Variants in SLC26A7 observed in about 807,000 individuals in gnomAD.
The protein encoded by SLC26A7 is solute carrier family 26 member 7, also known as anion exchange transporter.
In SLC26A7, 59 loss-of-function variants were observed where a neutral mutation model predicts 82.5. The observed-to-expected ratio is 0.72, with a 90% confidence interval of 0.58 to 0.89. SLC26A7 has a LOEUF of 0.89. Ranked by LOEUF, SLC26A7 falls within the 40% of genes least tolerant of loss-of-function variation. The probability of loss-of-function intolerance (pLI) is 0.00; values close to 1 mark genes in which losing one functional copy is unlikely to be tolerated. For synonymous variants in SLC26A7, 271 were observed against 274.3 expected (o/e 0.99, Z 0.12); for missense variants, 820 against 793.0 (o/e 1.03, Z -0.41).
chr8:91,225,032 C>A (rs1054000055), intron 2 of SLC26A7, among the ~76,000 whole-genome samples: 30 of 152,172 alleles, frequency 2.0e-4, no homozygotes, highest in Admixed American at 5.2e-4. Context: ...GCCTCCCTGG[C>A]CCCAGCAGGG....
At chr8:91,365,291 C>T (rs1180993022) in intron 13 of SLC26A7, among the ~76,000 whole-genome samples, 1 of 152,186 alleles carries the variant, frequency 6.6e-6, no homozygotes, top group Non-Finnish European at 1.5e-5. Context: ...AATACACTAA[C>T]ACTAATGATA....
chr8:91,375,653 T>G (rs1814490782), intron 15 of SLC26A7, among the ~76,000 whole-genome samples: 1 of 148,716 alleles, frequency 6.7e-6, no homozygotes, highest in Non-Finnish European at 1.5e-5. Context: ...CTAGCTGCCT[T>G]TAAGTTGTTT....
chr8:91,354,616 G>T (rs923668293), intron 11 of SLC26A7, among the ~76,000 whole-genome samples: 3 of 152,084 alleles, frequency 2.0e-5, no homozygotes, highest in Non-Finnish European at 4.4e-5. Flanking sequence ...GGATCAAACT[G>T]GTGAAGTATA....
At chr8:91,347,543 T>C (rs1489131724) in intron 9 of SLC26A7, among the ~76,000 whole-genome samples, 3 of 152,240 alleles carry the variant, frequency 2.0e-5, no homozygotes, top group Non-Finnish European at 4.4e-5. Flanking sequence ...GTATTTTAGA[T>C]TTCAGCATAC....
intron 15 of SLC26A7, among the ~76,000 whole-genome samples, chr8:91,374,109 T>C (rs1814441043): frequency 6.6e-6 from 1 of 151,960 alleles, no homozygotes; most frequent in East Asian, 1.9e-4. Context: ...ATTTGAATCT[T>C]CTCTCTTTTT....
chr8:91,390,241 C>A (rs955606395), intron 16 of SLC26A7, among the ~76,000 whole-genome samples: 4 of 151,840 alleles, frequency 2.6e-5, no homozygotes, highest in African/African-American at 9.7e-5. Flanking sequence ...CTCAGCCTCC[C>A]GAGTAGCTGG....
At chr8:91,281,977 C>T (rs879386948) in intron 2 of SLC26A7, among the ~76,000 whole-genome samples, 8 of 152,148 alleles carry the variant, frequency 5.3e-5, no homozygotes, top group African/African-American at 1.2e-4. Flanking sequence ...TTTAGTCACA[C>T]TTATTGAGGT....
At chr8:91,390,605 C>A (rs1374133933) in intron 16 of SLC26A7, among the ~76,000 whole-genome samples, 1 of 152,032 alleles carries the variant, frequency 6.6e-6, no homozygotes, top group Non-Finnish European at 1.5e-5. Context: ...GTTTACTTCC[C>A]AGAGGTTTTC....
intron 18 of SLC26A7, chr8:91,394,449 T>C (rs1266904362): frequency 1.4e-6 from 2 of 1,398,674 alleles, no homozygotes; most frequent in African/African-American, 2.9e-5. Flanking sequence ...ATTGCCATCT[T>C]TGGAAATACT....
chr8:91,214,232 G>T (rs1193125252), intron 1 of SLC26A7, among the ~76,000 whole-genome samples: 1 of 152,074 alleles, frequency 6.6e-6, no homozygotes, highest in Admixed American at 6.6e-5. Flanking sequence ...ACCTCTGAGG[G>T]GTGTGAAGGA....
At chr8:91,374,037 A>G (rs1213828906) in intron 15 of SLC26A7, among the ~76,000 whole-genome samples, 1 of 151,742 alleles carries the variant, frequency 6.6e-6, no homozygotes, top group African/African-American at 2.4e-5. Context: ...TAGTCTCTGA[A>G]GATCTCCTGG....
At chr8:91,372,572 TC>T (rs1814395003) in intron 15 of SLC26A7, among the ~76,000 whole-genome samples, 1 of 152,044 alleles carries the variant, frequency 6.6e-6, no homozygotes, top group Admixed American at 6.6e-5. Flanking sequence ...GATTCTCTAT[TC>T]TGTTCCATTG....
chr8:91,331,309 T>C (rs1813074101), intron 5 of SLC26A7, among the ~76,000 whole-genome samples: 1 of 152,156 alleles, frequency 6.6e-6, no homozygotes, highest in Admixed American at 6.6e-5. Flanking sequence ...AGGAAGGTCT[T>C]TCCATGTCAA....
At chr8:91,324,129 T>C (rs1236867023) in intron 5 of SLC26A7, among the ~76,000 whole-genome samples, 1 of 152,166 alleles carries the variant, frequency 6.6e-6, no homozygotes, top group Non-Finnish European at 1.5e-5. Context: ...ACTCAGCTTA[T>C]ATTTTTCTTG....
At chr8:91,289,888 G>A (rs2130767160) in intron 3 of SLC26A7, among the ~76,000 whole-genome samples, 1 of 152,164 alleles carries the variant, frequency 6.6e-6, no homozygotes, top group South Asian at 2.1e-4. Flanking sequence ...AAAATATGAG[G>A]GGTGATTTGG....
intron 4 of SLC26A7, among the ~76,000 whole-genome samples, chr8:91,310,737 T>C (rs1812458294): frequency 6.6e-6 from 1 of 151,660 alleles, no homozygotes; most frequent in African/African-American, 2.4e-5. Context: ...CCGCACATGC[T>C]CCCCTCCCAA....
chr8:91,361,480 C>T lies in SLC26A7; in HGVS notation c.1315-873C>T, dbSNP rs1023300360. Among the ~76,000 whole-genome samples the T allele has an allele frequency of 9.9e-5, 15 of 152,196 alleles. No homozygotes were observed. The East Asian group carries it at 2.7e-3, about 27-fold the overall frequency. On this transcript the variant is annotated intron_variant, in intron 11 of 18. Coordinates refer to ENST00000276609, the MANE Select transcript of SLC26A7 (RefSeq NM_052832.4). ...ATAAATGTAGAATTGCAGTCAGAGGCAAAGTGCTGCAAGTTTTGGGAGGAC... is the reference window on the plus strand; with the variant it reads ...ATAAATGTAGAATTGCAGTCAGAGGTAAAGTGCTGCAAGTTTTGGGAGGAC...
intron 13 of SLC26A7, among the ~76,000 whole-genome samples, chr8:91,366,212 C>T (rs763743155): frequency 1.6e-4 from 25 of 152,084 alleles, no homozygotes; most frequent in Non-Finnish European, 3.1e-4. Context: ...TAAAAAAATA[C>T]TGATGGTTAA....
upstream of SLC26A7, among the ~76,000 whole-genome samples, chr8:91,247,684 A>T (rs1290095242): frequency 6.6e-6 from 1 of 152,286 alleles, no homozygotes; most frequent in South Asian, 2.1e-4. Context: ...CTGGTGCTAT[A>T]TGATTTAGGT....
Sources: gnomAD v4.1 joint callset for allele counts (sites outside exome capture counted in the v4.1 genomes callset) on GRCh38, gnomAD v4.1.1 for gene constraint, MANE v1.5 for transcripts, NCBI Gene and HGNC (gene_info 2026-07-23, HGNC 2026-07-21) for gene names.